FBXO10: variants seen among roughly 807,000 people sequenced by gnomAD.
The protein encoded by FBXO10 is F-box only protein 10.
In FBXO10, 39 loss-of-function variants were observed where a neutral mutation model predicts 80.7. That is an observed-to-expected ratio of 0.48 (90% CI 0.37 to 0.63). FBXO10 has a LOEUF of 0.63. FBXO10 is among the 30% of genes least tolerant of loss of function. The pLI is 0.00. For missense variants in FBXO10, 1,025 were observed against 1,269.0 expected (o/e 0.81, Z 2.92); for synonymous variants, 449 against 489.6 (o/e 0.92, Z 1.09).
chr9:37,564,314 T>C (rs373095140), intron 1 of FBXO10, among the ~76,000 whole-genome samples: 2 of 152,048 alleles, frequency 1.3e-5, no homozygotes, highest in South Asian at 2.1e-4. Flanking sequence ...GGAGCCCTCA[T>C]GGAGAACACC....
chr9:37,513,731 A>G (rs1821117126), intron 10 of FBXO10, among the ~76,000 whole-genome samples: 1 of 152,080 alleles, frequency 6.6e-6, no homozygotes, highest in African/African-American at 2.4e-5. Flanking sequence ...CTGGGACTAC[A>G]GTTGCGTGCC....
intron 1 of FBXO10, among the ~76,000 whole-genome samples, chr9:37,547,328 G>A (rs995994439): frequency 6.6e-6 from 1 of 152,190 alleles, no homozygotes; most frequent in East Asian, 1.9e-4. Flanking sequence ...AGTGGCAGAC[G>A]CCTATAATCC....
intron 1 of FBXO10, among the ~76,000 whole-genome samples, chr9:37,574,196 GC>G (rs1822834118): frequency 6.6e-6 from 1 of 152,074 alleles, no homozygotes; most frequent in African/African-American, 2.4e-5. Flanking sequence ...GGTCCCTAAG[GC>G]CAGAGTCTAC....
At chr9:37,575,670 G>A (rs747407275) in intron 1 of FBXO10, 7 of 152,242 alleles carry the variant, frequency 4.6e-5, no homozygotes, top group Non-Finnish European at 1.0e-4. Context: ...TCCTAAGAGC[G>A]AGGCAGGACA....
At chr9:37,518,042 G>A (rs2119051505) in intron 9 of FBXO10, 83 bp downstream of exon 9, 1 of 1,380,818 alleles carries the variant, frequency 7.2e-7, no homozygotes, top group Non-Finnish European at 9.9e-7. Context: ...TTACGGTTCT[G>A]TTCTCAGCAG....
chr9:37,527,185 C>T (rs1821499040), intron 5 of FBXO10, among the ~76,000 whole-genome samples: 1 of 152,204 alleles, frequency 6.6e-6, no homozygotes, highest in African/African-American at 2.4e-5. Flanking sequence ...GCTTCCTTCT[C>T]ATAAGGGCCT....
intron 1 of FBXO10, among the ~76,000 whole-genome samples, chr9:37,555,100 G>C (rs1049139504): frequency 6.6e-6 from 1 of 151,918 alleles, no homozygotes; most frequent in African/African-American, 2.4e-5. Flanking sequence ...ACCCAGGCTG[G>C]AGTGCTGTGG....
At chr9:37,551,111 T>G (rs1822187783) in intron 1 of FBXO10, among the ~76,000 whole-genome samples, 1 of 152,234 alleles carries the variant, frequency 6.6e-6, no homozygotes, top group African/African-American at 2.4e-5. Flanking sequence ...AAAAAGTCAC[T>G]GGCCTGAAGT....
chr9:37,520,425 C>T (rs1446867129), intron 8 of FBXO10, among the ~76,000 whole-genome samples: 1 of 150,552 alleles, frequency 6.6e-6, no homozygotes, highest in Non-Finnish European at 1.5e-5. Context: ...GCCTTGAACT[C>T]CTGGGCTCAA....
chr9:37,556,226 C>A (rs146629091), intron 1 of FBXO10, among the ~76,000 whole-genome samples: 20 of 152,256 alleles, frequency 1.3e-4, no homozygotes, highest in African/African-American at 4.6e-4. Flanking sequence ...ACATTTTTGA[C>A]ACTTTTTTTC....
intron 1 of FBXO10, among the ~76,000 whole-genome samples, chr9:37,551,958 C>G (rs887322873): frequency 6.6e-6 from 1 of 152,228 alleles, no homozygotes; most frequent in Non-Finnish European, 1.5e-5. Context: ...AGCTTTCTCT[C>G]CTTTCTGCCT....
In FBXO10 at chr9:37,532,055, T is replaced by C. The variant is rs375497072; in HGVS notation, c.1423A>G (p.Ile475Val). Reference sequence around the variant, plus strand: ...CGGTAAATGTCGTTCCTGAGCATGATGATCTAAGCAGAAAAGAGAAAGCCA... The same window carrying C: ...CGGTAAATGTCGTTCCTGAGCATGACGATCTAAGCAGAAAAGAGAAAGCCA... Reference protein sequence around the residue: ...AVRCIHNSKIIMLRNDIYRCR... With the variant: ...AVRCIHNSKIVMLRNDIYRCR... Residue 475 changes from isoleucine to valine, a missense_variant, in exon 4 of 11, where the codon ATC (isoleucine) becomes GTC (valine). Transcript: ENST00000432825. The C allele has an allele frequency of 1.2e-6, 2 of 1,613,062 alleles. No homozygotes were observed. The highest frequency in any genetic ancestry group is 1.7e-6 in the Non-Finnish European group (2 of 1,179,414).
In FBXO10 at chr9:37,512,587, C is replaced by T. The variant is rs1821085130; in HGVS notation, c.2831G>A (p.Gly944Asp). Reference sequence around the variant, plus strand: ...GAAGACACTGCGGTTGCTGTGGTAACCACCTTCCACCCGGGCTGTGATCCT... The same window carrying T: ...GAAGACACTGCGGTTGCTGTGGTAATCACCTTCCACCCGGGCTGTGATCCT... ...ATRITARVEGGYHSNRSVFCT... is the reference protein window; with the variant it reads ...ATRITARVEGDYHSNRSVFCT... The change falls in exon 11 of 11, where the codon GGT (glycine) becomes GAT (aspartate). Residue 944 changes from glycine (G) to aspartate (D), a missense_variant. Gly to Asp is a moderately conservative substitution (Grantham distance 94, BLOSUM62 -1). This residue lies in a region of FBXO10 where 97 missense variants were observed against 101.8 expected (regional missense o/e 0.95). Coordinates refer to ENST00000432825, the MANE Select transcript of FBXO10 (RefSeq NM_012166.3). 1 of 1,613,960 alleles carries T rather than the reference C, an allele frequency of 6.2e-7. No individual in the cohort carries two copies. The highest frequency in any genetic ancestry group is 1.1e-5 in the South Asian group (1 of 91,086).
intron 10 of FBXO10, among the ~76,000 whole-genome samples, chr9:37,513,451 T>C (rs77443735): frequency 0.063 from 9,590 of 152,186 alleles, 368 homozygotes; most frequent in Middle Eastern, 0.13. Flanking sequence ...TACTCAGCAA[T>C]TGAAAGGAAT....
At chr9:37,550,188 T>C (rs1488728713) in intron 1 of FBXO10, among the ~76,000 whole-genome samples, 2 of 128,626 alleles carry the variant, frequency 1.6e-5, no homozygotes, top group East Asian at 4.5e-4. Context: ...TTTTTTTTTT[T>C]TTTTTTTTTT....
chr9:37,563,837 T>C (rs777130172), intron 1 of FBXO10, among the ~76,000 whole-genome samples: 23 of 152,322 alleles, frequency 1.5e-4, no homozygotes, highest in Non-Finnish European at 2.9e-4. Context: ...GACTGGCCTA[T>C]TGGATGTGAT....
intron 1 of FBXO10, among the ~76,000 whole-genome samples, chr9:37,553,052 ATTT>A (rs958106652): frequency 8.4e-6 from 1 of 118,464 alleles, no homozygotes; most frequent in African/African-American, 3.2e-5. Flanking sequence ...GTGTGTGTGT[ATTT>A]TTTTTGAGAT....
chr9:37,564,365 CCA>C (rs747545119), intron 1 of FBXO10, among the ~76,000 whole-genome samples: 19 of 152,116 alleles, frequency 1.2e-4, no homozygotes, highest in Non-Finnish European at 2.5e-4. Context: ...GTCGGGGCCC[CCA>C]CACAGAGTCT....
rs1357637015 is a variant in FBXO10, at chr9:37,522,779, C to A, written c.1930+46G>T. On this transcript the variant is annotated intron_variant, in intron 7 of 10. Transcript: ENST00000432825. ...CAGGACCCACAAGCTGGAGATGGAA[C>A]CTGGGCTTCCTGCCTCCCCGGCTGG... is the stretch of plus-strand genomic sequence containing the variant. The A allele has an allele frequency of 6.5e-6, 10 of 1,547,342 alleles. No individual in the cohort carries two copies. The Admixed American group carries it at 1.4e-4, about 21-fold the overall frequency.
Sources: allele counts gnomAD v4.1 joint callset (sites outside exome capture counted in the v4.1 genomes callset), GRCh38; gene constraint gnomAD v4.1.1; regional missense constraint gnomAD v4.1.1; transcripts MANE v1.5; gene names NCBI Gene and HGNC (gene_info 2026-07-23, HGNC 2026-07-21).